DMXL2: variants seen among roughly 807,000 people sequenced by gnomAD.
DMXL2 encodes the protein Dmx like 2.
DMXL2 carries 103 observed loss-of-function variants against 331.1 expected under a neutral mutation model. That is an observed-to-expected ratio of 0.31 (90% CI 0.27 to 0.37). The LOEUF (loss-of-function observed/expected upper bound fraction) is 0.37, where lower values mean the gene tolerates loss of function less well. Among genes scored for constraint, DMXL2 ranks in the 10% least tolerant of loss-of-function variants. The pLI is 1.00. For synonymous variants in DMXL2, 1,281 were observed against 1,252.1 expected, an observed-to-expected ratio of 1.02 and a Z score of -0.49; for missense variants, 3,171 against 3,642.9, an observed-to-expected ratio of 0.87 and a Z score of 3.33.
chr15:51,567,334 C>T (rs1331953864), intron 3 of DMXL2: 1 of 152,186 alleles, frequency 6.6e-6, no homozygotes, highest in Non-Finnish European at 1.5e-5. Context: ...AGCCACCACA[C>T]CTGGCTGTTC....
intron 13 of DMXL2, among the ~76,000 whole-genome samples, chr15:51,527,770 T>G (rs550985601): frequency 9.6e-4 from 143 of 148,692 alleles, no homozygotes; most frequent in Non-Finnish European, 1.7e-3. Flanking sequence ...TCACTGGTAA[T>G]AGTAAGTACA....
intron 13 of DMXL2, among the ~76,000 whole-genome samples, chr15:51,528,032 GTAAGGTAA>G (rs2047779111): frequency 6.6e-6 from 1 of 152,098 alleles, no homozygotes. Context: ...ATAATGGGTT[GTAAGGTAA>G]TATTTGCAAG....
chr15:51,604,744 C>G (rs1310431390), intron 1 of DMXL2, among the ~76,000 whole-genome samples: 2 of 151,702 alleles, frequency 1.3e-5, no homozygotes, highest in African/African-American at 4.8e-5. Context: ...CAAACTGATC[C>G]TAAAATTTAA....
rs777468890 is a variant in DMXL2 at position 51,502,796 on chromosome 15, G to A, written c.2992+10C>T. Reference sequence around the variant, plus strand: ...TGAGCTACCACTGCCCAGTCTTAAAGTGACCTTACCTGCTGAAGGCGTTGC... The same window carrying A: ...TGAGCTACCACTGCCCAGTCTTAAAATGACCTTACCTGCTGAAGGCGTTGC... On this transcript the variant is annotated intron_variant, in intron 17 of 43. Coordinates refer to ENST00000560891, the MANE Select transcript of DMXL2 (RefSeq NM_001378457.1). 6 of 1,605,590 alleles carry A rather than the reference G, an allele frequency of 3.7e-6. No individual in the cohort carries two copies. The Admixed American group carries it at 6.7e-5, about 18-fold the overall frequency.
Position 51,498,857 on chromosome 15 carries a change from T to C in DMXL2, c.4367A>G (p.Tyr1456Cys), listed in dbSNP as rs758717427. 17 of 1,614,062 alleles carry C rather than the reference T, an allele frequency of 1.1e-5. No homozygotes were observed. Among genetic ancestry groups the C allele is most frequent in the African/African-American group, 2.7e-5 (2 of 74,944 alleles). Residue 1456 changes from tyrosine (Y) to cysteine (C), a missense_variant, in exon 18 of 44, where the codon TAT becomes TGT. By Grantham distance (194) the Tyr-to-Cys change is radical. Transcript: ENST00000560891. ...SEESTKIPQS[Y>C]EDQTVSQPED... ...TGGTTGACTTACTGTCTGATCTTCA[T>C]AGCTCTGTGGTATCTTTGTACTTTC...
chr15:51,568,676 T>C, intron 2 of DMXL2, 118 bp from the exon 3 acceptor site: 1 of 687,502 alleles, frequency 1.5e-6, no homozygotes. Flanking sequence ...TCATGGTTTA[T>C]TTCCTTCCAT....
intron 18 of DMXL2, among the ~76,000 whole-genome samples, chr15:51,497,290 GAT>G (rs1305630284): frequency 2.6e-5 from 4 of 152,160 alleles, no homozygotes; most frequent in Non-Finnish European, 5.9e-5. Flanking sequence ...TATATGAAGA[GAT>G]ATTTTCCAGC....
rs17524906 is a variant in DMXL2, at chr15:51,537,615, G to A, written c.1490C>T (p.Thr497Met). Residue 497 changes from threonine to methionine, a missense_variant, in exon 11 of 44, where the codon ACG (threonine) becomes ATG (methionine). Physicochemically the swap from Thr to Met is moderately conservative, Grantham distance 81. Transcript: ENST00000560891. Reference protein sequence around the residue: ...PTVLLDRKIETLLTEWNKNPD... With the variant: ...PTVLLDRKIEMLLTEWNKNPD... ...ATTCTTATTCCATTCAGTTAGCAGC[G>A]TTTCAATCTTCCGATCAAGCAGAAC... 351,491 of 1,613,442 alleles carry A rather than the reference G, an allele frequency of 0.22. 40,740 individuals carry two copies. The highest frequency in any genetic ancestry group is 0.24 in the Non-Finnish European group (285,103 of 1,179,714).
At chr15:51,538,520 A>G in intron 9 of DMXL2, 68 bp from the exon 10 acceptor site, 2 of 1,262,612 alleles carry the variant, frequency 1.6e-6, no homozygotes, top group South Asian at 3.3e-5. Context: ...AGTGCTTACA[A>G]TGACTAATCT....
rs2043962264 is a variant in DMXL2, at chr15:51,505,081, C to T, written c.2765-2048G>A. Among the ~76,000 whole-genome samples, 4 of 152,170 alleles carry T rather than the reference C, an allele frequency of 2.6e-5. 1 individual carries two copies. In the South Asian group the frequency reaches 8.3e-4, roughly 31 times the overall value. On this transcript the variant is annotated intron_variant, in intron 16 of 43. Transcript: ENST00000560891. ...CATATATAAAGCACCAATCTCAGTG[C>T]CTGGCACCCAGAAGGTACTCAACAT...
At chr15:51,524,558 C>T (rs1486054825) in intron 13 of DMXL2, among the ~76,000 whole-genome samples, 4 of 152,198 alleles carry the variant, frequency 2.6e-5, no homozygotes, top group African/African-American at 9.7e-5. Context: ...CACACCCTGG[C>T]AGCAGCAGCG....
chr15:51,534,859 A>G (rs1250569965), intron 13 of DMXL2, among the ~76,000 whole-genome samples: 1 of 152,168 alleles, frequency 6.6e-6, no homozygotes, highest in Non-Finnish European at 1.5e-5. Flanking sequence ...TTCTATGCCT[A>G]CCTTAATCTG....
At chr15:51,494,846 T>C (rs556512652) in intron 19 of DMXL2, among the ~76,000 whole-genome samples, 178 bp downstream of exon 19, 1 of 152,236 alleles carries the variant, frequency 6.6e-6, no homozygotes, top group Admixed American at 6.5e-5. Flanking sequence ...AGTCACAGAA[T>C]AGAGCTGAAG....
In DMXL2 at chr15:51,474,381, A is replaced by T. The variant is rs751072317; in HGVS notation, c.7176T>A (p.Leu2392=). The T allele has an allele frequency of 6.2e-7, 1 of 1,611,522 alleles. No individual in the cohort carries two copies. Among genetic ancestry groups the T allele is most frequent in the South Asian group, 1.1e-5 (1 of 91,014 alleles). ...WAAVFGGGVK[L]VVKPRRQSEN... Reference sequence around the variant, plus strand: ...CTGATTGTCTTCGAGGTTTCACAACAAGTTTTACACCGCCTCCAAAAACAG... The same window carrying T: ...CTGATTGTCTTCGAGGTTTCACAACTAGTTTTACACCGCCTCCAAAAACAG... The change falls in exon 28 of 44, where the codon CTT becomes CTA. Residue 2392 remains leucine, a synonymous_variant. Coordinates refer to ENST00000560891, the MANE Select transcript of DMXL2 (RefSeq NM_001378457.1).
intron 13 of DMXL2, 113 bp downstream of exon 13, chr15:51,535,550 C>T: frequency 1.0e-6 from 1 of 958,186 alleles, no homozygotes. Context: ...ATATGCAGCC[C>T]AGAACATATA....
At chr15:51,563,527 G>C in intron 5 of DMXL2, 80 bp from the exon 6 acceptor site, 1 of 931,738 alleles carries the variant, frequency 1.1e-6, no homozygotes, top group Non-Finnish European at 1.6e-6. Context: ...TGAGATTTTT[G>C]TAACATCAAA....
In DMXL2 at chr15:51,486,326, T is replaced by C. The variant is rs1347003447; in HGVS notation, c.5229A>G (p.Glu1743=). 6.3e-7 allele frequency: 1 copy of C among 1,590,818 alleles called. No individual in the cohort carries two copies. The highest frequency in any genetic ancestry group is 8.6e-7 in the Non-Finnish European group (1 of 1,161,100). ...TGGCTAGCTGAATATCTTCCATTTT[T>C]TCAAGACATACCTGCAAATTTAAAT... ...SLKDAIEVCL[E]KMEDIQLAMV... Residue 1743 remains glutamate (E), a synonymous_variant, in exon 23 of 44, where the codon GAA becomes GAG. Coordinates refer to ENST00000560891, the MANE Select transcript of DMXL2 (RefSeq NM_001378457.1).
rs1258538006 is a variant in DMXL2, at chr15:51,481,523, A to T, written c.5583T>A (p.Thr1861=). ...CAGTTTTGAGACCTAAGGTTGCCAA[A>T]GTTCCTTCAGGGGAGGCAAGATTTC... ...IRRNLASPEG[T]LATLGLKTEK... is the part of the protein sequence containing the mutation. The change falls in exon 24 of 44, where the codon ACT becomes ACA. Residue 1861 remains threonine (T), a synonymous_variant. Coordinates refer to ENST00000560891, the MANE Select transcript of DMXL2 (RefSeq NM_001378457.1). 1 of 1,613,374 alleles carries T rather than the reference A, an allele frequency of 6.2e-7. No individual in the cohort carries two copies. Among genetic ancestry groups the T allele is most frequent in the Admixed American group, 1.7e-5 (1 of 59,784 alleles).
chr15:51,534,144 G>A (rs1198949370), intron 13 of DMXL2, among the ~76,000 whole-genome samples: 3 of 152,142 alleles, frequency 2.0e-5, no homozygotes, highest in Admixed American at 1.3e-4. Flanking sequence ...AATTACATAC[G>A]AAGAATGTGG....
Sources: allele counts gnomAD v4.1 joint callset (sites outside exome capture counted in the v4.1 genomes callset), GRCh38; gene constraint gnomAD v4.1.1; transcripts MANE v1.5; gene names NCBI Gene and HGNC (gene_info 2026-07-23, HGNC 2026-07-21).